Variants in GLI3 observed in about 807,000 individuals in gnomAD.
GLI3 encodes the protein transcription activator GLI3.
GLI3 carries 20 observed loss-of-function variants against 100.8 expected under a neutral mutation model. That is an observed-to-expected ratio of 0.20 (90% CI 0.14 to 0.29). GLI3 has a LOEUF of 0.29. GLI3 is among the 10% of genes least tolerant of loss of function. The pLI, the probability that GLI3 is intolerant of heterozygous loss-of-function variation, is 1.00. For missense variants in GLI3, 2,040 were observed against 2,128.5 expected, an observed-to-expected ratio of 0.96 and a Z score of 0.82; for synonymous variants, 938 against 860.5, an observed-to-expected ratio of 1.09 and a Z score of -1.58.
chr7:42,069,726 G>T (rs1784748727), intron 4 of GLI3, among the ~76,000 whole-genome samples: 1 of 152,152 alleles, frequency 6.6e-6, no homozygotes, highest in Non-Finnish European at 1.5e-5. Flanking sequence ...TATCTTTCAG[G>T]CATTCCAGGT....
rs767298749 is a variant in GLI3 at position 41,966,209 on chromosome 7, G to T, written c.2864C>A (p.Thr955Lys). ...LPNMERMSLK[T>K]RLALLGDALE... The stretch of plus-strand genomic sequence containing the variant: ...GGCATCCCCGAGCAGCGCCAGGCGC[G>T]TCTTCAGGCTCATCCTCTCCATGTT... The change falls in exon 15 of 15, where the codon ACG becomes AAG. Residue 955 changes from threonine (T) to lysine (K), a missense_variant. Thr to Lys is a moderately conservative substitution (Grantham distance 78). Coordinates refer to ENST00000395925, the MANE Select transcript of GLI3 (RefSeq NM_000168.6). The surrounding 1 kb of genome is among the most constrained non-coding windows in gnomAD (Gnocchi z 5.8). 2.5e-6 allele frequency: 4 copies of T among 1,607,702 alleles called. No individual in the cohort carries two copies. Among genetic ancestry groups the T allele is most frequent in the Non-Finnish European group, 2.5e-6 (3 of 1,178,768 alleles).
At chr7:42,239,572 T>C (rs1350001121), upstream of GLI3, among the ~76,000 whole-genome samples, 1 of 152,024 alleles carries the variant, frequency 6.6e-6, no homozygotes, top group Non-Finnish European at 1.5e-5. Context: ...TGGCAAAAAA[T>C]AAATACAAAG....
intron 10 of GLI3, among the ~76,000 whole-genome samples, chr7:42,000,299 G>C (rs1224774835): frequency 6.6e-6 from 1 of 152,174 alleles, no homozygotes; most frequent in Non-Finnish European, 1.5e-5. Flanking sequence ...TAAACTTTAC[G>C]ACTTGCTGGT....
At chr7:42,154,201 GA>G (rs1439152867) in intron 2 of GLI3, among the ~76,000 whole-genome samples, 1 of 151,984 alleles carries the variant, frequency 6.6e-6, no homozygotes, top group Non-Finnish European at 1.5e-5. Flanking sequence ...GGGAAACACC[GA>G]CAGAAGCCCA....
chr7:42,133,783 A>C (rs1406108599), intron 3 of GLI3, among the ~76,000 whole-genome samples: 2 of 152,058 alleles, frequency 1.3e-5, no homozygotes, highest in Non-Finnish European at 2.9e-5. Flanking sequence ...AAAGGAAAAA[A>C]AAATTAAGAA....
chr7:42,063,258 G>A (rs942588852), intron 4 of GLI3, among the ~76,000 whole-genome samples: 1 of 151,988 alleles, frequency 6.6e-6, no homozygotes, highest in Admixed American at 6.6e-5. Context: ...AAAAAATCTT[G>A]ACAATGAATC....
intron 12 of GLI3, among the ~76,000 whole-genome samples, chr7:41,973,643 G>A (rs534799423): frequency 4.7e-4 from 72 of 152,226 alleles, no homozygotes; most frequent in African/African-American, 1.5e-3. Flanking sequence ...GAGCTTTTAC[G>A]TAAGCAAGCG....
Position 41,964,086 on chromosome 7 carries a change from A to T in GLI3, c.*244T>A. ...ACAGTTTTTTTTTTTTTTTTTAAAA[A>T]GAGGGTGGTTTGAGTGTAACAATAC... On this transcript the variant is annotated 3_prime_UTR_variant, in exon 15 of 15. Transcript: ENST00000395925. 8 of 305,364 alleles carry T rather than the reference A, an allele frequency of 2.6e-5. No homozygotes were observed. Among genetic ancestry groups the T allele is most frequent in the Non-Finnish European group, 3.6e-5 (6 of 166,062 alleles). The allele number at this position is 305,364 out of a possible 1,614,324, so 18.9% of individuals were successfully genotyped here. A position where few individuals can be genotyped will look rare whatever the true frequency, so the allele number is the denominator to read the frequency against.
At chr7:42,108,988 T>G (rs886190627) in intron 3 of GLI3, among the ~76,000 whole-genome samples, 3 of 151,976 alleles carry the variant, frequency 2.0e-5, no homozygotes, top group African/African-American at 7.2e-5. Flanking sequence ...CCTTTCACAC[T>G]GCTCTATGCA....
At chr7:42,002,006 TG>T (rs1291303691) in intron 10 of GLI3, among the ~76,000 whole-genome samples, 1 of 152,094 alleles carries the variant, frequency 6.6e-6, no homozygotes, top group Non-Finnish European at 1.5e-5. Flanking sequence ...TTTAAAACAC[TG>T]TGTTTACTTC....
At chr7:42,007,980 T>C (rs1216798255) in intron 10 of GLI3, among the ~76,000 whole-genome samples, 1 of 152,234 alleles carries the variant, frequency 6.6e-6, no homozygotes, top group African/African-American at 2.4e-5. Flanking sequence ...AAAACTGAGA[T>C]GATATTGTTC....
intron 2 of GLI3, among the ~76,000 whole-genome samples, chr7:42,219,080 A>G (rs961317018): frequency 6.6e-6 from 1 of 152,242 alleles, no homozygotes; most frequent in African/African-American, 2.4e-5. Context: ...ATCTACATCA[A>G]AAAGAGATTA....
rs189408751 is a variant in GLI3 at position 42,187,832 on chromosome 7, G to A, written c.124+35298C>T. ...ATCCTGACTAACATGGTGAAACCCC[G>A]TCTCTACTAAAAACACAAAAATTAG... is the stretch of plus-strand genomic sequence containing the variant. On this transcript the variant is annotated intron_variant, in intron 2 of 14. Transcript: ENST00000395925. Among the ~76,000 whole-genome samples, 200 of 151,776 alleles carry A rather than the reference G, an allele frequency of 1.3e-3. 1 individual carries two copies. Among genetic ancestry groups the A allele is most frequent in the African/African-American group, 4.7e-3 (193 of 41,342 alleles).
chr7:41,962,812 A>C lies in GLI3; in HGVS notation c.*1518T>G, dbSNP rs1477326185. The C allele has an allele frequency of 6.6e-6, 1 of 152,208 alleles. No homozygotes were observed. The highest frequency in any genetic ancestry group is 1.5e-5 in the Non-Finnish European group (1 of 68,042). 9.4% of individuals were successfully genotyped at this position (152,208 alleles called of 1,614,324 possible). Reference sequence around the variant, plus strand: ...TTGAATTATCAATCACTTGCAGTAAATCCAATTCCAGGGGTCAATGGGACA... The same window carrying C: ...TTGAATTATCAATCACTTGCAGTAACTCCAATTCCAGGGGTCAATGGGACA... On this transcript the variant is annotated 3_prime_UTR_variant, in exon 15 of 15. Transcript: ENST00000395925.
chr7:41,968,763 G>GGAAGGAAAGAAAGAAAGAAAGAAA (rs1787288057), intron 13 of GLI3, among the ~76,000 whole-genome samples: 1 of 56,690 alleles, frequency 1.8e-5, no homozygotes, highest in African/African-American at 8.1e-5. Context: ...AAAGAAAGAA[G>GGAAGGAAAGAAAGAAAGAAAGAAA]GAAAGAAAGA....
At chr7:42,145,706 TTGA>T (rs904243158) in intron 3 of GLI3, 12 of 396,720 alleles carry the variant, frequency 3.0e-5, no homozygotes, top group East Asian at 7.1e-5. Flanking sequence ...TTATCACATA[TTGA>T]TGATGATGAG....
chr7:42,194,516 T>C, intron 2 of GLI3, among the ~76,000 whole-genome samples: 1 of 152,206 alleles, frequency 6.6e-6, no homozygotes, highest in Non-Finnish European at 1.5e-5. Flanking sequence ...TCTAAGTTTC[T>C]GAGCTTTATA....
At chr7:42,063,600 A>C (rs1784615332) in intron 4 of GLI3, among the ~76,000 whole-genome samples, 1 of 152,182 alleles carries the variant, frequency 6.6e-6, no homozygotes, top group Non-Finnish European at 1.5e-5. Flanking sequence ...AGATTGTAAA[A>C]TACATCCCAA....
chr7:42,083,408 A>G (rs1164619498), intron 3 of GLI3, among the ~76,000 whole-genome samples: 2 of 152,240 alleles, frequency 1.3e-5, no homozygotes, highest in African/African-American at 4.8e-5. Flanking sequence ...CACTGTGTAT[A>G]TGTACCACAT....
Sources: allele counts gnomAD v4.1 joint callset (sites outside exome capture counted in the v4.1 genomes callset), GRCh38; gene constraint gnomAD v4.1.1; non-coding constraint Gnocchi (gnomAD v3.1); transcripts MANE v1.5; gene names NCBI Gene and HGNC (gene_info 2026-07-23, HGNC 2026-07-21).